The following TMC1 variants were observed in gnomAD, a reference collection of about 807,000 sequenced individuals.
The protein encoded by TMC1 is transmembrane channel-like protein 1.
TMC1 carries 84 observed loss-of-function variants against 105.8 expected under a neutral mutation model. That is an observed-to-expected ratio of 0.79 (90% CI 0.67 to 0.95). The LOEUF is 0.95. Among genes scored for constraint, TMC1 ranks in the 40% least tolerant of loss-of-function variants. The pLI is 0.00. For missense variants in TMC1, 817 were observed against 914.1 expected, an observed-to-expected ratio of 0.89 and a Z score of 1.37; for synonymous variants, 315 against 311.5, an observed-to-expected ratio of 1.01 and a Z score of -0.12.
intron 5 of TMC1, among the ~76,000 whole-genome samples, chr9:72,666,957 G>A (rs191965744): frequency 6.6e-6 from 1 of 151,928 alleles, no homozygotes; most frequent in Non-Finnish European, 1.5e-5. Context: ...GCGTGTGCCT[G>A]TAGTCCCAGC....
chr9:72,559,098 CTTT>C (rs1188064763), intron 1 of TMC1, among the ~76,000 whole-genome samples: 2 of 142,314 alleles, frequency 1.4e-5, no homozygotes, highest in Non-Finnish European at 1.5e-5. Flanking sequence ...GAAGATTTTT[CTTT>C]TTTTTTTTTT....
chr9:72,576,976 C>G (rs1300304919), intron 1 of TMC1, among the ~76,000 whole-genome samples: 1 of 152,052 alleles, frequency 6.6e-6, no homozygotes, highest in African/African-American at 2.4e-5. Context: ...TACTCACCAG[C>G]CTTGGTGTTA....
intron 20 of TMC1, among the ~76,000 whole-genome samples, chr9:72,825,603 C>G (rs1359775570): frequency 6.6e-6 from 1 of 152,136 alleles, no homozygotes; most frequent in Non-Finnish European, 1.5e-5. Context: ...ACTCTAACTA[C>G]GTTCATCAGC....
chr9:72,708,646 A>G (rs1047195734), intron 8 of TMC1, among the ~76,000 whole-genome samples: 1 of 152,078 alleles, frequency 6.6e-6, no homozygotes, highest in Non-Finnish European at 1.5e-5. Context: ...GAATTCATTT[A>G]TTAGTTCCAG....
At chr9:72,805,536 T>TC (rs1828560530) in intron 18 of TMC1, 26 bp downstream of exon 18, 1 of 1,566,666 alleles carries the variant, frequency 6.4e-7, no homozygotes, top group Admixed American at 1.9e-5. Context: ...ATTTTGCTTT[T>TC]TTTTTTTTTT....
Position 72,771,588 on chromosome 9 carries a change from A to C in TMC1, c.742-825A>C, listed in dbSNP as rs532047303. On this transcript the variant is annotated intron_variant, in intron 12 of 23. Transcript: ENST00000297784. ...AAGTGATTATCTTCTCATTTCACAA[A>C]ACATAGTTATTGTCAGAGAGAAGTA... Among the ~76,000 whole-genome samples the C allele has an allele frequency of 1.7e-3, 258 of 152,330 alleles. 2 individuals carry two copies. Among genetic ancestry groups the C allele is most frequent in the African/African-American group, 6.1e-3 (252 of 41,580 alleles).
chr9:72,543,610 C>CT (rs1823713676), intron 1 of TMC1, among the ~76,000 whole-genome samples: 1 of 152,130 alleles, frequency 6.6e-6, no homozygotes, highest in African/African-American at 2.4e-5. Flanking sequence ...TGGTGAAACT[C>CT]TGTCTCTACT....
At chr9:72,560,447 T>A (rs2132078797) in intron 1 of TMC1, among the ~76,000 whole-genome samples, 1 of 152,314 alleles carries the variant, frequency 6.6e-6, no homozygotes, top group African/African-American at 2.4e-5. Context: ...AACTTTGCCA[T>A]AATTTACTCT....
chr9:72,756,953 C>T (rs1827684609), intron 12 of TMC1, among the ~76,000 whole-genome samples: 1 of 152,116 alleles, frequency 6.6e-6, no homozygotes, highest in Non-Finnish European at 1.5e-5. Flanking sequence ...GATGAGTGTG[C>T]TTCCCAAGAT....
intron 3 of TMC1, among the ~76,000 whole-genome samples, chr9:72,625,782 A>G (rs965927719): frequency 6.0e-5 from 9 of 151,242 alleles, no homozygotes; most frequent in African/African-American, 1.9e-4. Flanking sequence ...TGTATATTTT[A>G]TAGGTGGCAT....
At chr9:72,677,723 T>G (rs1384126752) in intron 5 of TMC1, among the ~76,000 whole-genome samples, 1 of 152,140 alleles carries the variant, frequency 6.6e-6, no homozygotes, top group Non-Finnish European at 1.5e-5. Flanking sequence ...TGGGATTGCC[T>G]TTTTTGACAA....
At chr9:72,534,870 T>G (rs1823553131) in intron 1 of TMC1, among the ~76,000 whole-genome samples, 1 of 152,216 alleles carries the variant, frequency 6.6e-6, no homozygotes, top group African/African-American at 2.4e-5. Context: ...CAGCCTGTTA[T>G]AAAGATTTAG....
chr9:72,561,531 T>C (rs118130651), intron 1 of TMC1, among the ~76,000 whole-genome samples: 363 of 152,214 alleles, frequency 2.4e-3, no homozygotes, highest in South Asian at 5.0e-3. Flanking sequence ...TAGTAATAAA[T>C]ACATTAACAA....
chr9:72,806,549 C>T (rs1217892901), intron 18 of TMC1, among the ~76,000 whole-genome samples: 4 of 145,270 alleles, frequency 2.8e-5, no homozygotes, highest in African/African-American at 7.8e-5. Context: ...TCAGACGGGG[C>T]AGTTGCCGGG....
chr9:72,545,216 C>T (rs920567326), intron 1 of TMC1, among the ~76,000 whole-genome samples: 1 of 151,462 alleles, frequency 6.6e-6, no homozygotes, highest in Non-Finnish European at 1.5e-5. Flanking sequence ...ATATATGTCA[C>T]ATTTCTTTAT....
Position 72,793,758 on chromosome 9 carries a change from T to C in TMC1, c.1566+1406T>C, listed in dbSNP as rs79793425. On this transcript the variant is annotated intron_variant, in intron 17 of 23. Transcript: ENST00000297784. ...GGACGGATGTGGGGTCCCAATATAC[T>C]GCAGCAGCCCTATGAAAAAGTGACC... Among the ~76,000 whole-genome samples the C allele has an allele frequency of 1.1e-3, 174 of 152,276 alleles. 4 individuals carry two copies. The East Asian group carries it at 0.03, about 26-fold the overall frequency.
At chr9:72,793,862 C>T (rs1828318559) in intron 17 of TMC1, among the ~76,000 whole-genome samples, 1 of 152,180 alleles carries the variant, frequency 6.6e-6, no homozygotes, top group Non-Finnish European at 1.5e-5. Flanking sequence ...CTACCCTCTG[C>T]TAGAATTATC....
intron 10 of TMC1, among the ~76,000 whole-genome samples, chr9:72,742,816 G>T (rs1827412802): frequency 6.6e-6 from 1 of 152,154 alleles, no homozygotes; most frequent in Admixed American, 6.5e-5. Context: ...TCACTATTGT[G>T]CACAATGACA....
chr9:72,821,165 T>A, intron 20 of TMC1, 84 bp downstream of exon 20: 1 of 1,593,986 alleles, frequency 6.3e-7, no homozygotes, highest in East Asian at 2.2e-5. Context: ...ATAAGCTATT[T>A]TTTCCCCCCA....
Sources: allele counts gnomAD v4.1 joint callset (sites outside exome capture counted in the v4.1 genomes callset), GRCh38; gene constraint gnomAD v4.1.1; transcripts MANE v1.5; gene names NCBI Gene and HGNC (gene_info 2026-07-23, HGNC 2026-07-21).